The following SUPT3H variants were observed in gnomAD, a reference collection of about 807,000 sequenced individuals.
SUPT3H encodes SPT3 homolog, SAGA and STAGA complex component, also known as transcription initiation protein SPT3 homolog.
SUPT3H carries 44 observed loss-of-function variants against 44.3 expected under a neutral mutation model. The ratio of observed to expected loss-of-function variants is 0.99; its 90% CI spans 0.78 to 1.28. SUPT3H has a LOEUF of 1.28. Among genes scored for constraint, SUPT3H ranks in the 50% most tolerant of loss-of-function variants. SUPT3H has a pLI of 0.00. For synonymous variants in SUPT3H, 124 were observed against 125.6 expected (o/e 0.99, Z 0.09); for missense variants, 380 against 387.1 (o/e 0.98, Z 0.15).
chr6:44,813,756 A>G (rs1241484040), intron 11 of SUPT3H, among the ~76,000 whole-genome samples: 3 of 152,024 alleles, frequency 2.0e-5, no homozygotes. Flanking sequence ...TTTTAGAAGG[A>G]AAGTTCAATA....
chr6:44,902,590 A>C (rs969307645), intron 10 of SUPT3H, among the ~76,000 whole-genome samples: 3 of 152,196 alleles, frequency 2.0e-5, no homozygotes, highest in African/African-American at 7.2e-5. Context: ...GGGAGACTTT[A>C]ACACCCCACT....
At chr6:45,258,516 T>C (rs1773784075) in intron 2 of SUPT3H, among the ~76,000 whole-genome samples, 1 of 152,168 alleles carries the variant, frequency 6.6e-6, no homozygotes, top group Non-Finnish European at 1.5e-5. Context: ...TTTTACACCA[T>C]CTCAGAAATA....
chr6:45,100,731 G>A (rs571010031), intron 3 of SUPT3H, among the ~76,000 whole-genome samples: 4 of 152,096 alleles, frequency 2.6e-5, no homozygotes, highest in African/African-American at 9.6e-5. Context: ...CAATGAGGAG[G>A]AGAAAGGGAA....
At chr6:45,101,485 A>T (rs1375328124) in intron 3 of SUPT3H, among the ~76,000 whole-genome samples, 1 of 152,228 alleles carries the variant, frequency 6.6e-6, no homozygotes, top group African/African-American at 2.4e-5. Context: ...AGTAGTTACT[A>T]GAGGTGAGGA....
intron 2 of SUPT3H, among the ~76,000 whole-genome samples, chr6:45,343,289 C>G (rs939141494): frequency 7.2e-5 from 11 of 152,036 alleles, no homozygotes; most frequent in Non-Finnish European, 1.3e-4. Flanking sequence ...GCGGGCAGAC[C>G]AAGAAGATCA....
intron 3 of SUPT3H, among the ~76,000 whole-genome samples, chr6:45,058,309 A>G (rs1027579344): frequency 6.6e-6 from 1 of 152,140 alleles, no homozygotes; most frequent in Non-Finnish European, 1.5e-5. Context: ...TCTTATAGTC[A>G]AGGTTTTGTA....
chr6:44,818,149 T>A (rs997469687), intron 11 of SUPT3H, among the ~76,000 whole-genome samples: 3 of 152,210 alleles, frequency 2.0e-5, no homozygotes, highest in Middle Eastern at 3.4e-3. Context: ...CAGAGCAATA[T>A]TTATATGGTC....
chr6:44,910,148 G>A (rs552733989), intron 10 of SUPT3H, among the ~76,000 whole-genome samples: 1 of 152,150 alleles, frequency 6.6e-6, no homozygotes, highest in South Asian at 2.1e-4. Context: ...CTCTCTACCT[G>A]TCTGTAGAAC....
intron 2 of SUPT3H, among the ~76,000 whole-genome samples, chr6:45,158,433 T>C (rs1808376267): frequency 6.7e-6 from 1 of 150,196 alleles, no homozygotes; most frequent in Admixed American, 6.7e-5. Flanking sequence ...GAAGGAAGCA[T>C]ACCTACGACT....
chr6:44,842,996 T>C (rs758383577), intron 10 of SUPT3H, among the ~76,000 whole-genome samples: 4 of 152,174 alleles, frequency 2.6e-5, no homozygotes, highest in Non-Finnish European at 5.9e-5. Context: ...GCTACCCAAA[T>C]GTCCATCCAC....
chr6:45,123,963 T>A (rs1802042684), intron 2 of SUPT3H, among the ~76,000 whole-genome samples: 1 of 152,188 alleles, frequency 6.6e-6, no homozygotes, highest in South Asian at 2.1e-4. Flanking sequence ...TAAAAAATAT[T>A]CGTGGTTACA....
chr6:45,013,031 G>A (rs973062171), intron 5 of SUPT3H, among the ~76,000 whole-genome samples: 3 of 152,052 alleles, frequency 2.0e-5, no homozygotes, highest in Non-Finnish European at 1.5e-5. Context: ...TGCCTCTACT[G>A]TTATCACATA....
At chr6:44,896,330 G>A (rs1009402097) in intron 10 of SUPT3H, among the ~76,000 whole-genome samples, 1 of 151,816 alleles carries the variant, frequency 6.6e-6, no homozygotes, top group East Asian at 1.9e-4. Context: ...TAACACTTAG[G>A]GTCCTAAATA....
intron 10 of SUPT3H, among the ~76,000 whole-genome samples, chr6:44,833,173 C>G (rs919640800): frequency 4.6e-5 from 7 of 152,084 alleles, no homozygotes; most frequent in East Asian, 1.9e-4. Flanking sequence ...TCTGCTTTCT[C>G]AAATCTTAAA....
intron 2 of SUPT3H, among the ~76,000 whole-genome samples, chr6:45,317,414 C>T (rs950692613): frequency 6.6e-6 from 1 of 151,768 alleles, no homozygotes; most frequent in Non-Finnish European, 1.5e-5. Context: ...AAAGCAAATC[C>T]AGAGGCTTCA....
At chr6:45,012,056 T>C (rs1783562130) in intron 5 of SUPT3H, among the ~76,000 whole-genome samples, 1 of 151,640 alleles carries the variant, frequency 6.6e-6, no homozygotes, top group Admixed American at 6.6e-5. Flanking sequence ...AGGGTCCCCC[T>C]GTATATGCTT....
At chr6:45,247,145 G>A (rs76075719) in intron 2 of SUPT3H, among the ~76,000 whole-genome samples, 3,307 of 152,230 alleles carry the variant, frequency 0.022, 48 homozygotes, top group Non-Finnish European at 0.033. Context: ...TGATAATAAC[G>A]TTGACGAATT....
At chr6:45,278,103 T>C (rs1306433018) in intron 2 of SUPT3H, among the ~76,000 whole-genome samples, 4 of 121,856 alleles carry the variant, frequency 3.3e-5, no homozygotes, top group Admixed American at 1.1e-4. Flanking sequence ...GAGGGGAACA[T>C]AACACAATGG....
chr6:44,867,849 C>T (rs549356014), intron 10 of SUPT3H, among the ~76,000 whole-genome samples: 2 of 152,306 alleles, frequency 1.3e-5, no homozygotes, highest in East Asian at 1.9e-4. Flanking sequence ...TTCCAGTAAC[C>T]GTTCAAATAC....
Sources: allele counts gnomAD v4.1 joint callset (sites outside exome capture counted in the v4.1 genomes callset), GRCh38; gene constraint gnomAD v4.1.1; transcripts MANE v1.5; gene names NCBI Gene and HGNC (gene_info 2026-07-23, HGNC 2026-07-21).